The following OR51B5 variants were observed in gnomAD, a reference collection of about 807,000 sequenced individuals.
OR51B5 encodes olfactory receptor family 51 subfamily B member 5.
For missense variants in OR51B5, 456 were observed against 374.6 expected (o/e 1.22, Z -1.79); for synonymous variants, 186 against 144.8 (o/e 1.28, Z -2.04).
chr11:5,386,746 C>A (rs1849701263), intron 1 of OR51B5, among the ~76,000 whole-genome samples: 1 of 151,246 alleles, frequency 6.6e-6, no homozygotes, highest in African/African-American at 2.4e-5. Flanking sequence ...AGGACATTGG[C>A]TACAGAGATG....
At chr11:5,396,508 G>A (rs1849874520) in intron 1 of OR51B5, among the ~76,000 whole-genome samples, 1 of 151,298 alleles carries the variant, frequency 6.6e-6, no homozygotes, top group South Asian at 2.1e-4. Flanking sequence ...CAAGGGATGT[G>A]AAGGACCTCT....
At chr11:5,396,579 C>T in intron 1 of OR51B5, among the ~76,000 whole-genome samples, 1 of 151,838 alleles carries the variant, frequency 6.6e-6, no homozygotes, top group South Asian at 2.1e-4. Flanking sequence ...GAAGAACATT[C>T]CATGCTCATG....
intron 1 of OR51B5, among the ~76,000 whole-genome samples, chr11:5,498,755 C>T (rs149249414): frequency 2.0e-5 from 3 of 152,314 alleles, no homozygotes; most frequent in Admixed American, 6.5e-5. Context: ...ATAGAACTTT[C>T]GTGTTCCTGA....
chr11:5,359,838 C>T (rs910790270), intron 1 of OR51B5, among the ~76,000 whole-genome samples: 12 of 151,864 alleles, frequency 7.9e-5, no homozygotes, highest in Admixed American at 3.3e-4. Flanking sequence ...GAAATAATGC[C>T]GCATGTCTAC....
intron 1 of OR51B5, among the ~76,000 whole-genome samples, chr11:5,366,560 G>A (rs939225628): frequency 1.3e-5 from 2 of 151,968 alleles, no homozygotes; most frequent in African/African-American, 2.4e-5. Context: ...AGTGAGCCGA[G>A]ATCGCGCCAT....
chr11:5,379,212 C>G (rs1180416675), intron 1 of OR51B5, among the ~76,000 whole-genome samples: 1 of 151,702 alleles, frequency 6.6e-6, no homozygotes, highest in Non-Finnish European at 1.5e-5. Context: ...ATCGCAAGGA[C>G]AAAAAACCAA....
exon 1 of OR51B5, chr11:5,343,461 G>T (rs566514307): frequency 6.4e-7 from 1 of 1,571,578 alleles, no homozygotes; most frequent in South Asian, 1.1e-5. Flanking sequence ...ATCCAGTGAT[G>T]AGCTTCCTCC....
chr11:5,500,640 C>G lies in OR51B5; in HGVS notation n.84+4929G>C, dbSNP rs1345852297. 4.0e-5 allele frequency among the ~76,000 whole-genome samples: 6 copies of G among 148,208 alleles called. No individual in the cohort carries two copies. The East Asian group carries it at 1.2e-3, about 29-fold the overall frequency. ...TTTCCAGTAATAGTCCTAATTGCGGCCTTGCAAGTAGCTTTACTAAACCAC... is the reference window on the plus strand; with the variant it reads ...TTTCCAGTAATAGTCCTAATTGCGGGCTTGCAAGTAGCTTTACTAAACCAC... On this transcript the variant is annotated intron_variant and non_coding_transcript_variant, in intron 1 of 4. Transcript: ENST00000415970.
At chr11:5,456,091 G>A (rs2133790044) in intron 1 of OR51B5, 1 of 152,210 alleles carries the variant, frequency 6.6e-6, no homozygotes, top group Non-Finnish European at 1.5e-5. Context: ...ATACATAAAT[G>A]CAAAGGCAAG....
At chr11:5,400,389 A>G (rs1213549102) in intron 1 of OR51B5, among the ~76,000 whole-genome samples, 1 of 152,058 alleles carries the variant, frequency 6.6e-6, no homozygotes, top group African/African-American at 2.4e-5. Context: ...TCCATATTTT[A>G]TTTTAGTTTT....
intron 1 of OR51B5, chr11:5,355,354 T>G (rs572931378): frequency 6.3e-6 from 1 of 159,278 alleles, no homozygotes; most frequent in East Asian, 1.9e-4. Flanking sequence ...TGTGGTGCTT[T>G]GGTACAAACA....
chr11:5,358,138 A>G (rs75219156), intron 1 of OR51B5, among the ~76,000 whole-genome samples: 22,860 of 151,058 alleles, frequency 0.15, 2,072 homozygotes, highest in Non-Finnish European at 0.21. Context: ...AAATAACTAA[A>G]ATCAGAGCAG....
intron 1 of OR51B5, among the ~76,000 whole-genome samples, chr11:5,461,482 C>T (rs1034693368): frequency 1.6e-4 from 25 of 152,162 alleles, no homozygotes; most frequent in Non-Finnish European, 3.7e-4. Flanking sequence ...TCAGATCAGA[C>T]TTGCCCTGTC....
chr11:5,411,142 C>G (rs892107165), intron 1 of OR51B5, among the ~76,000 whole-genome samples: 6 of 152,232 alleles, frequency 3.9e-5, no homozygotes, highest in Non-Finnish European at 8.8e-5. Flanking sequence ...CTCACTGATT[C>G]ACTCAGAGCA....
At chr11:5,461,283 G>A (rs957894922) in intron 1 of OR51B5, among the ~76,000 whole-genome samples, 1 of 152,156 alleles carries the variant, frequency 6.6e-6, no homozygotes, top group African/African-American at 2.4e-5. Context: ...GCGCGCCGGC[G>A]GGGAAGGCTG....
chr11:5,502,428 T>C (rs1244401150), intron 1 of OR51B5, among the ~76,000 whole-genome samples: 2 of 152,232 alleles, frequency 1.3e-5, no homozygotes, highest in African/African-American at 4.8e-5. Flanking sequence ...ATTTTTCCCC[T>C]AGCTCTTTGA....
At chr11:5,464,528 T>A (rs530436380) in intron 1 of OR51B5, among the ~76,000 whole-genome samples, 58 of 146,754 alleles carry the variant, frequency 4.0e-4, no homozygotes, top group African/African-American at 1.4e-3. Context: ...TGAGTGAGAA[T>A]ATGTGGTGTT....
intron 1 of OR51B5, among the ~76,000 whole-genome samples, chr11:5,394,322 C>T (rs1053818765): frequency 6.6e-6 from 1 of 152,024 alleles, no homozygotes; most frequent in Non-Finnish European, 1.5e-5. Flanking sequence ...CAATATTATA[C>T]CAAGTTTGAC....
chr11:5,371,893 ACTT>A (rs1849453651), intron 1 of OR51B5, among the ~76,000 whole-genome samples: 1 of 151,908 alleles, frequency 6.6e-6, no homozygotes, highest in Non-Finnish European at 1.5e-5. Context: ...CCTTTGACCT[ACTT>A]CTCCCTATTT....
Sources: allele counts gnomAD v4.1 joint callset (sites outside exome capture counted in the v4.1 genomes callset), GRCh38; gene constraint gnomAD v4.1.1; transcripts MANE v1.5; gene names NCBI Gene and HGNC (gene_info 2026-07-23, HGNC 2026-07-21).